ASAP1: variants seen among roughly 807,000 people sequenced by gnomAD.
ASAP1 encodes the protein arf-GAP with SH3 domain, ANK repeat and PH domain-containing protein 1.
ASAP1 carries 43 observed loss-of-function variants against 145.2 expected under a neutral mutation model. The ratio of observed to expected loss-of-function variants is 0.30; its 90% CI spans 0.23 to 0.38. ASAP1 has a LOEUF of 0.38. Among genes scored for constraint, ASAP1 ranks in the 10% least tolerant of loss-of-function variants. ASAP1 has a pLI of 1.00. For synonymous variants in ASAP1, 546 were observed against 515.5 expected (o/e 1.06, Z -0.80); for missense variants, 1,018 against 1,355.3 (o/e 0.75, Z 3.91).
chr8:130,198,087 C>G, intron 5 of ASAP1, among the ~76,000 whole-genome samples: 1 of 151,936 alleles, frequency 6.6e-6, no homozygotes. Flanking sequence ...GGCACAACAA[C>G]TACATAATAC....
intron 27 of ASAP1, among the ~76,000 whole-genome samples, chr8:130,070,970 A>C (rs574764822): frequency 1.1e-4 from 2 of 17,452 alleles, no homozygotes; most frequent in African/African-American, 7.6e-4. Context: ...AGGGGGAGAG[A>C]GAGGGGGAGG....
At chr8:130,176,783 T>C (rs912274037) in intron 9 of ASAP1, among the ~76,000 whole-genome samples, 9 of 151,870 alleles carry the variant, frequency 5.9e-5, no homozygotes, top group African/African-American at 2.2e-4. Context: ...CTCTGCCTCC[T>C]GGATTCAAGC....
intron 1 of ASAP1, among the ~76,000 whole-genome samples, chr8:130,424,680 C>T (rs1019065127): frequency 6.6e-6 from 1 of 152,060 alleles, no homozygotes; most frequent in African/African-American, 2.4e-5. Context: ...GGCCCAGAGA[C>T]AGGTACTGCA....
intron 10 of ASAP1, among the ~76,000 whole-genome samples, chr8:130,168,189 T>C (rs565306422): frequency 3.9e-5 from 6 of 152,312 alleles, no homozygotes; most frequent in African/African-American, 1.4e-4. Context: ...TAAAACTTTA[T>C]TTGAGGATAT....
chr8:130,178,506 A>T (rs1048730370), intron 9 of ASAP1, among the ~76,000 whole-genome samples: 2 of 152,280 alleles, frequency 1.3e-5, no homozygotes, highest in Admixed American at 1.3e-4. Flanking sequence ...CTCAAAATGT[A>T]ACACAAATTA....
At chr8:130,232,114 A>C (rs1384839231) in intron 4 of ASAP1, among the ~76,000 whole-genome samples, 1 of 152,250 alleles carries the variant, frequency 6.6e-6, no homozygotes, top group African/African-American at 2.4e-5. Flanking sequence ...GAAAAAGAAC[A>C]GAAGGACGAG....
At chr8:130,070,091 CA>C (rs1485185437) in intron 27 of ASAP1, among the ~76,000 whole-genome samples, 5 of 152,086 alleles carry the variant, frequency 3.3e-5, no homozygotes, top group Admixed American at 1.3e-4. Flanking sequence ...GGCTGGAGTG[CA>C]GTGGCGCAAT....
At chr8:130,314,124 C>A (rs1435488774) in intron 3 of ASAP1, among the ~76,000 whole-genome samples, 5 of 152,274 alleles carry the variant, frequency 3.3e-5, no homozygotes, top group Admixed American at 1.3e-4. Context: ...TTTAAGAAAA[C>A]AATCATGCAA....
At chr8:130,095,101 T>C (rs1000490469) in intron 24 of ASAP1, among the ~76,000 whole-genome samples, 1 of 152,186 alleles carries the variant, frequency 6.6e-6, no homozygotes. Context: ...CATGCCCTTA[T>C]ATACTTCTGA....
At position 130,228,663 on chromosome 8, in the gene ASAP1, C is replaced by T. The variant is rs190180124; in HGVS notation, c.259+8259G>A. ...CTGAAGTGAGCCAAGATCATGCCAT[C>T]GCACTCCAGCCTGGGCAACAGAGTG... is the stretch of plus-strand genomic sequence containing the variant. On this transcript the variant is annotated intron_variant, in intron 4 of 29. Coordinates refer to ENST00000518721, the MANE Select transcript of ASAP1 (RefSeq NM_018482.4). Among the ~76,000 whole-genome samples, 511 of 147,192 alleles carry T rather than the reference C, an allele frequency of 3.5e-3. 4 individuals are homozygous for T. Among genetic ancestry groups the T allele is most frequent in the African/African-American group, 0.012 (494 of 39,582 alleles).
Position 130,072,825 on chromosome 8 carries a change from G to GTGTGTGTGCGTGTGCGCGCGCGCGCGCA in ASAP1, c.2701+3522_2701+3523insTGCGCGCGCGCGCGCACACGCACACACA. Among the ~76,000 whole-genome samples the GTGTGTGTGCGTGTGCGCGCGCGCGCGCA allele has an allele frequency of 5.0e-3, 271 of 54,092 alleles. 13 individuals carry two copies. Among genetic ancestry groups the GTGTGTGTGCGTGTGCGCGCGCGCGCGCA allele is most frequent in the African/African-American group, 0.021 (234 of 10,988 alleles). 35.5% of individuals were successfully genotyped at this position (54,092 alleles called of 152,430 possible). On this transcript the variant is annotated intron_variant, in intron 27 of 29. Coordinates refer to ENST00000518721, the MANE Select transcript of ASAP1 (RefSeq NM_018482.4). ...TGTGTGTGTGTGTGTGTGTGTGTGTGCGCGCGGGGGGGGGCAGTTTTGGGG... is the reference window on the plus strand; with the variant it reads ...TGTGTGTGTGTGTGTGTGTGTGTGTGTGTGTGTGCGTGTGCGCGCGCGCGCGCACGCGCGGGGGGGGGCAGTTTTGGGG...
At chr8:130,398,572 A>G (rs1032314859) in intron 2 of ASAP1, among the ~76,000 whole-genome samples, 1 of 152,212 alleles carries the variant, frequency 6.6e-6, no homozygotes, top group African/African-American at 2.4e-5. Flanking sequence ...TAGTCATATC[A>G]GAAGTGGCAG....
At chr8:130,312,924 G>A (rs1373413424) in intron 3 of ASAP1, among the ~76,000 whole-genome samples, 1 of 152,172 alleles carries the variant, frequency 6.6e-6, no homozygotes, top group East Asian at 1.9e-4. Context: ...AGGCCAAAAG[G>A]TGTCCCCTCA....
chr8:130,110,626 A>C (rs1476059283), intron 24 of ASAP1, among the ~76,000 whole-genome samples: 1 of 152,236 alleles, frequency 6.6e-6, no homozygotes, highest in Non-Finnish European at 1.5e-5. Context: ...CCTTTGGCTT[A>C]CATGCACTAT....
chr8:130,169,673 T>C (rs1262604083), intron 9 of ASAP1, among the ~76,000 whole-genome samples: 2 of 152,230 alleles, frequency 1.3e-5, no homozygotes, highest in East Asian at 3.8e-4. Flanking sequence ...AGAATTAATA[T>C]CTGTGGAGCA....
intron 3 of ASAP1, among the ~76,000 whole-genome samples, chr8:130,245,479 A>G (rs1818791568): frequency 6.6e-6 from 1 of 152,122 alleles, no homozygotes; most frequent in South Asian, 2.1e-4. Flanking sequence ...CACAGTTCAG[A>G]TCCTTGGCAA....
intron 3 of ASAP1, among the ~76,000 whole-genome samples, chr8:130,306,352 A>T (rs1424839814): frequency 6.6e-6 from 1 of 152,138 alleles, no homozygotes; most frequent in Non-Finnish European, 1.5e-5. Flanking sequence ...CACATAAGTG[A>T]CTTCTTTCCA....
At chr8:130,373,109 T>TAC (rs147535116) in intron 2 of ASAP1, among the ~76,000 whole-genome samples, 16,980 of 127,366 alleles carry the variant, frequency 0.13, 1,468 homozygotes, top group East Asian at 0.21. Context: ...CAGAAATACA[T>TAC]ATACACACAC....
intron 13 of ASAP1, among the ~76,000 whole-genome samples, chr8:130,151,234 G>A (rs1288680623): frequency 6.6e-6 from 1 of 151,646 alleles, no homozygotes; most frequent in Non-Finnish European, 1.5e-5. Flanking sequence ...AGCCAGGTGT[G>A]GTGGTGGGCG....
Sources: gnomAD v4.1 joint callset for allele counts (sites outside exome capture counted in the v4.1 genomes callset) on GRCh38, gnomAD v4.1.1 for gene constraint, MANE v1.5 for transcripts, NCBI Gene and HGNC (gene_info 2026-07-23, HGNC 2026-07-21) for gene names.